The following GATAD1 variants were observed in gnomAD, a reference collection of about 807,000 sequenced individuals.
GATAD1 encodes the protein GATA zinc finger domain containing 1.
In GATAD1, 12 loss-of-function variants were observed where a neutral mutation model predicts 26.5. The ratio of observed to expected loss-of-function variants is 0.45; its 90% confidence interval spans 0.29 to 0.73. The LOEUF (loss-of-function observed/expected upper bound fraction) is 0.73. Among genes scored for constraint, GATAD1 ranks in the 30% least tolerant of loss-of-function variants. The pLI is 0.10. For synonymous variants in GATAD1, 129 were observed against 133.1 expected, an observed-to-expected ratio of 0.97 and a Z score of 0.21; for missense variants, 266 against 342.1, an observed-to-expected ratio of 0.78 and a Z score of 1.75.
At chr7:92,461,306 T>C (rs567068698), downstream of GATAD1, 4 of 152,460 alleles carry the variant, frequency 2.6e-5, no homozygotes, top group African/African-American at 9.6e-5. Flanking sequence ...TTGAAATCTG[T>C]CTTCCCTTCC....
chr7:92,459,048 C>CGGG lies in GATAD1; in HGVS notation c.*2486_*2487insGGG, dbSNP rs1789812473. 1 of 152,198 alleles carries CGGG rather than the reference C, an allele frequency of 6.6e-6. No individual in the cohort carries two copies. The highest frequency in any genetic ancestry group is 1.5e-5 in the Non-Finnish European group (1 of 68,140). The allele number at this position is 152,198 out of a possible 1,614,324, so 9.4% of individuals were successfully genotyped here. A position where few individuals can be genotyped will look rare whatever the true frequency, so the allele number is the denominator to read the frequency against. On this transcript the variant is annotated 3_prime_UTR_variant, in exon 5 of 5. Coordinates refer to ENST00000287957, the MANE Select transcript of GATAD1 (RefSeq NM_021167.5). ...AGACCAGCCTGGTCAACATGAAACC[C>CGGG]CGTCTCTACTAAAAATACAAAAATT...
chr7:92,467,136 G>C, the GATAD1 span, among the ~76,000 whole-genome samples: 1 of 152,110 alleles, frequency 6.6e-6, no homozygotes, highest in Admixed American at 6.5e-5. Context: ...TGGCCAACAT[G>C]ATGAAACCCA....
In GATAD1 at chr7:92,447,515, A is replaced by G. The variant is rs1789195484; in HGVS notation, c.-215A>G. 3 of 423,616 alleles carry G rather than the reference A, an allele frequency of 7.1e-6. No homozygotes were observed. The South Asian group carries it at 1.4e-4, about 20-fold the overall frequency. The allele number at this position is 423,616 out of a possible 1,614,324, so 26.2% of individuals were successfully genotyped here. The stretch of plus-strand genomic sequence containing the variant: ...GTCCTGCTTCCCAGTGCCTCGGGCC[A>G]GGGAATCCTGGCCTCCGCCTGCGGA... On this transcript the variant is annotated 5_prime_UTR_variant, in exon 1 of 5. Coordinates refer to ENST00000287957, the MANE Select transcript of GATAD1 (RefSeq NM_021167.5).
downstream of GATAD1, among the ~76,000 whole-genome samples, chr7:92,460,550 G>A (rs979241963): frequency 2.0e-5 from 3 of 152,094 alleles, no homozygotes; most frequent in East Asian, 1.9e-4. Context: ...TCGTAGTAGC[G>A]GAAAGGTTCA....
chr7:92,491,102 C>T, the GATAD1 span: 1 of 587,360 alleles, frequency 1.7e-6, no homozygotes, highest in Non-Finnish European at 3.1e-6. Flanking sequence ...AAAATCTTAA[C>T]AAGGAATGCA....
At chr7:92,494,736 A>G in the GATAD1 span, 4 of 675,202 alleles carry the variant, frequency 5.9e-6, no homozygotes, top group African/African-American at 7.7e-5. Context: ...ATATATATTT[A>G]TATACTTCTT....
chr7:92,461,942 C>T (rs149376320), downstream of GATAD1, among the ~76,000 whole-genome samples: 482 of 152,228 alleles, frequency 3.2e-3, 4 homozygotes, highest in African/African-American at 0.011. Flanking sequence ...CACACAAGGG[C>T]GTGAATTCCA....
chr7:92,493,342 A>G, the GATAD1 span: 1 of 345,554 alleles, frequency 2.9e-6, no homozygotes, highest in Non-Finnish European at 5.1e-6. Context: ...ATGAAAATCA[A>G]ACACTCTTAA....
chr7:92,458,318 C>T lies in GATAD1; in HGVS notation c.*1756C>T, dbSNP rs559783173. On this transcript the variant is annotated 3_prime_UTR_variant, in exon 5 of 5. Coordinates refer to ENST00000287957, the MANE Select transcript of GATAD1 (RefSeq NM_021167.5). ...CACCAAAGCCGCAGAGGAAACATGTCGAGATCAGGCTTCCTGCTTGATAGT... is the reference window on the plus strand; with the variant it reads ...CACCAAAGCCGCAGAGGAAACATGTTGAGATCAGGCTTCCTGCTTGATAGT... 12 of 152,234 alleles carry T rather than the reference C, an allele frequency of 7.9e-5. No individual in the cohort carries two copies. In the South Asian group the frequency reaches 1.9e-3, roughly 24 times the overall value. 9.4% of individuals were successfully genotyped at this position (152,234 alleles called of 1,614,324 possible).
At chr7:92,452,767 A>G (rs1789493319) in intron 3 of GATAD1, among the ~76,000 whole-genome samples, 1 of 152,220 alleles carries the variant, frequency 6.6e-6, no homozygotes, top group Admixed American at 6.5e-5. Context: ...TTTCACTAAG[A>G]CATTGTTTTT....
the GATAD1 span, among the ~76,000 whole-genome samples, chr7:92,476,089 C>T: frequency 6.6e-6 from 1 of 152,166 alleles, no homozygotes; most frequent in Non-Finnish European, 1.5e-5. Flanking sequence ...GGGAGTTCCG[C>T]CTAGGTCTGG....
At chr7:92,475,266 C>T in the GATAD1 span, 1 of 151,706 alleles carries the variant, frequency 6.6e-6, no homozygotes, top group Non-Finnish European at 1.5e-5. Context: ...CTCCAGAATA[C>T]GTCTTAGGGG....
At chr7:92,448,007 G>A (rs1789233861) in intron 1 of GATAD1, 29 bp downstream of exon 1, 2 of 1,208,676 alleles carry the variant, frequency 1.7e-6, no homozygotes, top group Admixed American at 4.4e-5. Context: ...TCCCGCCGGC[G>A]GAGGCCGACC....
intron 4 of GATAD1, among the ~76,000 whole-genome samples, chr7:92,455,026 A>G (rs1162591098): frequency 6.6e-6 from 1 of 151,390 alleles, no homozygotes; most frequent in Non-Finnish European, 1.5e-5. Flanking sequence ...GTTTCATTTA[A>G]CCTTAATTGC....
At chr7:92,449,131 A>G in intron 2 of GATAD1, 1 of 1,170,104 alleles carries the variant, frequency 8.5e-7, no homozygotes, top group Non-Finnish European at 1.1e-6. Context: ...ATATGGGTTT[A>G]AAAGAAACAT....
chr7:92,450,605 A>G (rs1789384678), intron 2 of GATAD1, 96 bp from the exon 3 acceptor site: 2 of 722,760 alleles, frequency 2.8e-6, no homozygotes, highest in Middle Eastern at 2.4e-4. Flanking sequence ...AATACATTTT[A>G]GTACTTCTCA....
At chr7:92,492,639 CA>C in the GATAD1 span, among the ~76,000 whole-genome samples, 1 of 152,064 alleles carries the variant, frequency 6.6e-6, no homozygotes, top group African/African-American at 2.4e-5. Flanking sequence ...TACAAACAAA[CA>C]AAAAACTCTA....
At chr7:92,478,532 G>T in the GATAD1 span, among the ~76,000 whole-genome samples, 1 of 152,184 alleles carries the variant, frequency 6.6e-6, no homozygotes, top group African/African-American at 2.4e-5. Flanking sequence ...AGGCTAGGTG[G>T]ATGCAGCTAC....
the GATAD1 span, among the ~76,000 whole-genome samples, chr7:92,478,637 G>T: frequency 6.6e-6 from 1 of 152,194 alleles, no homozygotes; most frequent in Non-Finnish European, 1.5e-5. Context: ...AAGTTATTAA[G>T]AAATAGTTTT....
Sources: gnomAD v4.1 joint callset for allele counts (sites outside exome capture counted in the v4.1 genomes callset) on GRCh38, gnomAD v4.1.1 for gene constraint, MANE v1.5 for transcripts, NCBI Gene and HGNC (gene_info 2026-07-23, HGNC 2026-07-21) for gene names.